The following DENND4A variants were observed in gnomAD, a reference collection of about 807,000 sequenced individuals.
DENND4A encodes DENN domain containing 4A, also known as C-myc promoter-binding protein.
In DENND4A, 70 loss-of-function variants were observed where a neutral mutation model predicts 199.3. That is an observed-to-expected ratio of 0.35 (90% CI 0.29 to 0.43). The LOEUF (loss-of-function observed/expected upper bound fraction) is 0.43. DENND4A is among the 20% of genes least tolerant of loss of function. The pLI is 1.00. For missense variants in DENND4A, 1,723 were observed against 2,255.8 expected (o/e 0.76, Z 4.78); for synonymous variants, 686 against 766.9 (o/e 0.89, Z 1.74).
intron 1 of DENND4A, chr15:65,772,144 C>T (rs1179297197): frequency 1.5e-5 from 11 of 745,246 alleles, no homozygotes; most frequent in Non-Finnish European, 2.6e-5. Flanking sequence ...CCCTCCATAG[C>T]TTGCTCCTTC....
chr15:65,702,362 T>C lies in DENND4A; in HGVS notation c.2373A>G (p.Lys791=). Residue 791 remains lysine, a synonymous_variant, in exon 17 of 33, where the codon AAA becomes AAG. Coordinates refer to ENST00000443035, the MANE Select transcript of DENND4A (RefSeq NM_001320835.1). ...TTTTTTTAAGCACATCATATGCTGT[T>C]TTCAGAGCCCTGACTTTTGAATGAC... is the stretch of plus-strand genomic sequence containing the variant. ...KVCHSKVRAL[K]TAYDVLKKMQ... is the part of the protein sequence containing the mutation. 2 of 1,554,110 alleles carry C rather than the reference T, an allele frequency of 1.3e-6. No homozygotes were observed. Among genetic ancestry groups the C allele is most frequent in the Non-Finnish European group, 1.7e-6 (2 of 1,148,238 alleles).
At chr15:65,716,073 T>A (rs12595536) in intron 13 of DENND4A, among the ~76,000 whole-genome samples, 32,324 of 151,878 alleles carry the variant, frequency 0.21, 3,926 homozygotes, top group African/African-American at 0.32. Flanking sequence ...GTTTATTTCC[T>A]GATTCACCTT....
chr15:65,697,195 T>C, intron 21 of DENND4A, 72 bp downstream of exon 21: 2 of 996,436 alleles, frequency 2.0e-6, no homozygotes, highest in African/African-American at 1.7e-5. Context: ...CCAGCACTTT[T>C]ATAAAATCAC....
chr15:65,702,279 A>C, intron 17 of DENND4A, 26 bp downstream of exon 17: 1 of 1,535,246 alleles, frequency 6.5e-7, no homozygotes, highest in Middle Eastern at 1.7e-4. Context: ...AAAAAAATAA[A>C]ATAACAACAA....
At position 65,738,564 on chromosome 15, in the gene DENND4A, C is replaced by A. The variant is rs2076172640; in HGVS notation, c.801+142G>T. 8 of 675,772 alleles carry A rather than the reference C, an allele frequency of 1.2e-5. No homozygotes were observed. The East Asian group carries it at 2.4e-4, about 21-fold the overall frequency. The allele number at this position is 675,772 out of a possible 1,614,324, so 41.9% of individuals were successfully genotyped here. On this transcript the variant is annotated intron_variant, in intron 6 of 32. Transcript: ENST00000443035. Reference sequence around the variant, plus strand: ...ATAAAAATTCTCTTTTCCTATGTCCCTGGATACAGTTATTTTAATCAACTG... The same window carrying A: ...ATAAAAATTCTCTTTTCCTATGTCCATGGATACAGTTATTTTAATCAACTG...
At chr15:65,666,660 C>T (rs768554457) in intron 29 of DENND4A, among the ~76,000 whole-genome samples, 4 of 151,782 alleles carry the variant, frequency 2.6e-5, no homozygotes, top group Non-Finnish European at 5.9e-5. Flanking sequence ...CTGCCTATAA[C>T]CCCAGCACTT....
At chr15:65,708,671 T>C (rs2075140502) in intron 14 of DENND4A, among the ~76,000 whole-genome samples, 2 of 152,132 alleles carry the variant, frequency 1.3e-5, no homozygotes, top group Non-Finnish European at 2.9e-5. Flanking sequence ...AGGATAAAAT[T>C]AAAATAATTT....
chr15:65,732,498 CCTTT>C, intron 8 of DENND4A, among the ~76,000 whole-genome samples: 1 of 152,176 alleles, frequency 6.6e-6, no homozygotes, highest in Middle Eastern at 3.4e-3. Context: ...GAAAAAAGTT[CCTTT>C]CTGTGTATTC....
chr15:65,731,364 GTT>G (rs1436890606), intron 9 of DENND4A: 1 of 471,950 alleles, frequency 2.1e-6, no homozygotes, highest in East Asian at 5.6e-5. Flanking sequence ...AAAAATAACT[GTT>G]CTCATCATCT....
chr15:65,697,303 C>T lies in DENND4A; in HGVS notation c.2914G>A (p.Glu972Lys). Residue 972 changes from glutamate to lysine, a missense_variant, in exon 21 of 33, where the codon GAA (glutamate) becomes AAA (lysine). By Grantham distance (56) the Glu-to-Lys change is moderately conservative. Transcript: ENST00000443035. Reference sequence around the variant, plus strand: ...TCACTCCCTTTTTTATCTTTTTCTTCTTGAATGTCTTCAGTAGATGTATCC... The same window carrying T: ...TCACTCCCTTTTTTATCTTTTTCTTTTTGAATGTCTTCAGTAGATGTATCC... Reference protein sequence around the residue: ...RGDTSTEDIQEEKDKKGSDCS... With the variant: ...RGDTSTEDIQKEKDKKGSDCS... 1 of 1,603,334 alleles carries T rather than the reference C, an allele frequency of 6.2e-7. No homozygotes were observed. The highest frequency in any genetic ancestry group is 1.1e-5 in the South Asian group (1 of 89,858).
At chr15:65,738,978 C>G (rs746461946) in intron 5 of DENND4A, 103 bp from the exon 6 acceptor site, 90 of 853,526 alleles carry the variant, frequency 1.1e-4, no homozygotes, top group Non-Finnish European at 1.5e-4. Flanking sequence ...TTTGGAATGC[C>G]AAAGCATTAT....
At chr15:65,738,028 C>T in intron 6 of DENND4A, 83 bp from the exon 7 acceptor site, 3 of 1,388,430 alleles carry the variant, frequency 2.2e-6, no homozygotes, top group Non-Finnish European at 1.9e-6. Context: ...TTAATAAATG[C>T]TTGCTATGAG....
At chr15:65,684,818 ATTTTTTTTTT>A (rs541989496) in intron 23 of DENND4A, among the ~76,000 whole-genome samples, 2 of 104,982 alleles carry the variant, frequency 1.9e-5, no homozygotes, top group East Asian at 6.5e-4. Flanking sequence ...TTTTCTTCCA[ATTTTTTTTTT>A]TTTTTTTTTT....
intron 14 of DENND4A, among the ~76,000 whole-genome samples, chr15:65,713,135 C>T (rs935053745): frequency 5.9e-5 from 9 of 152,146 alleles, no homozygotes; most frequent in Non-Finnish European, 1.2e-4. Flanking sequence ...CAAGTTTTGT[C>T]GATTAACCTA....
chr15:65,754,273 C>G (rs1305657189), intron 3 of DENND4A, among the ~76,000 whole-genome samples: 2 of 152,162 alleles, frequency 1.3e-5, no homozygotes, highest in East Asian at 3.8e-4. Flanking sequence ...CTAATGTTAG[C>G]TTAAGTGCTT....
At chr15:65,728,394 C>T (rs2075868291) in intron 11 of DENND4A, among the ~76,000 whole-genome samples, 1 of 151,962 alleles carries the variant, frequency 6.6e-6, no homozygotes, top group Non-Finnish European at 1.5e-5. Context: ...TTTGTGATTT[C>T]ACCTATACTC....
intron 1 of DENND4A, among the ~76,000 whole-genome samples, chr15:65,785,061 G>C (rs1051529294): frequency 6.6e-6 from 1 of 151,832 alleles, no homozygotes; most frequent in African/African-American, 2.4e-5. Flanking sequence ...TTGAACCTGG[G>C]AGGCGGAGGT....
intron 14 of DENND4A, among the ~76,000 whole-genome samples, chr15:65,711,348 G>A (rs2075242863): frequency 6.6e-6 from 1 of 152,076 alleles, no homozygotes; most frequent in Admixed American, 6.5e-5. Flanking sequence ...CAAAAAATTA[G>A]CCAGGCATGA....
At chr15:65,675,175 C>T (rs2076337364) in intron 24 of DENND4A, among the ~76,000 whole-genome samples, 1 of 152,122 alleles carries the variant, frequency 6.6e-6, no homozygotes, top group African/African-American at 2.4e-5. Flanking sequence ...CTAAGAGTGT[C>T]TTTTACATTT....
Sources: gnomAD v4.1 joint callset for allele counts (sites outside exome capture counted in the v4.1 genomes callset) on GRCh38, gnomAD v4.1.1 for gene constraint, MANE v1.5 for transcripts, NCBI Gene and HGNC (gene_info 2026-07-23, HGNC 2026-07-21) for gene names.